GCNT2: variants seen among roughly 807,000 people sequenced by gnomAD.
The protein encoded by GCNT2 is glucosaminyl (N-acetyl) transferase 2 (I blood group).
A neutral mutation model predicts 34.2 loss-of-function variants in GCNT2; 34 were observed. That is an observed-to-expected ratio of 1.00 (90% CI 0.76 to 1.32). The LOEUF is 1.32. Ranked by LOEUF, GCNT2 falls within the 40% of genes most tolerant of loss-of-function variation. The pLI, the probability that GCNT2 is intolerant of heterozygous loss-of-function variation, is 0.00. For missense variants in GCNT2, 584 were observed against 489.4 expected (o/e 1.19, Z -1.82); for synonymous variants, 212 against 188.0 (o/e 1.13, Z -1.04).
intron 3 of GCNT2, among the ~76,000 whole-genome samples, chr6:10,532,319 A>G (rs1761533321): frequency 6.6e-6 from 1 of 152,344 alleles, no homozygotes; most frequent in Admixed American, 6.5e-5. Context: ...AAGCAATAGA[A>G]AACAAATGCA....
intron 3 of GCNT2, among the ~76,000 whole-genome samples, chr6:10,536,891 G>A (rs1368822902): frequency 6.6e-6 from 1 of 151,650 alleles, no homozygotes; most frequent in South Asian, 2.1e-4. Flanking sequence ...TCAGCCTCCT[G>A]AGTAGCTGGG....
At chr6:10,542,705 G>T (rs1319204929) in intron 3 of GCNT2, among the ~76,000 whole-genome samples, 1 of 152,068 alleles carries the variant, frequency 6.6e-6, no homozygotes, top group Non-Finnish European at 1.5e-5. Flanking sequence ...AGGAATGGAT[G>T]CTGTTCCATT....
chr6:10,606,607 C>T (rs1399820238), intron 3 of GCNT2, among the ~76,000 whole-genome samples: 1 of 118,666 alleles, frequency 8.4e-6, no homozygotes, highest in Non-Finnish European at 2.0e-5. Context: ...CTTTAACTTC[C>T]ATTAAAGAAA....
At chr6:10,625,420 G>A (rs1766216428) in intron 4 of GCNT2, among the ~76,000 whole-genome samples, 1 of 151,978 alleles carries the variant, frequency 6.6e-6, no homozygotes, top group African/African-American at 2.4e-5. Flanking sequence ...AGAATCTCTG[G>A]AAAATGGTTG....
At chr6:10,585,134 T>G (rs1764291756) in intron 3 of GCNT2, among the ~76,000 whole-genome samples, 1 of 152,034 alleles carries the variant, frequency 6.6e-6, no homozygotes, top group Admixed American at 6.6e-5. Flanking sequence ...TTGTTATATT[T>G]TTCTGCCACT....
At chr6:10,614,462 A>G (rs1387798258) in intron 3 of GCNT2, among the ~76,000 whole-genome samples, 1 of 152,030 alleles carries the variant, frequency 6.6e-6, no homozygotes, top group Admixed American at 6.5e-5. Flanking sequence ...TATCTCTACT[A>G]AAAATACAAA....
chr6:10,545,272 G>C (rs1762221500), intron 3 of GCNT2, among the ~76,000 whole-genome samples: 1 of 152,024 alleles, frequency 6.6e-6, no homozygotes, highest in African/African-American at 2.4e-5. Context: ...CATTTTGCAA[G>C]AGCTGTGCCT....
rs1164320299 is a variant in GCNT2, at chr6:10,529,432, T to C, written c.521T>C (p.Leu174Pro). Residue 174 changes from leucine (L) to proline (P), a missense_variant, in exon 3 of 5, where the codon CTG becomes CCG. Physicochemically the swap from Leu to Pro is moderately conservative, Grantham distance 98. Transcript: ENST00000495262. ...ISRLQADLNC[L>P]EDLVASEVPW... is the part of the protein sequence containing the mutation. The stretch of plus-strand genomic sequence containing the variant: ...AGGCTCCAGGCTGACCTGAACTGCC[T>C]GGAAGACCTTGTGGCCTCTGAAGTT... 1.2e-6 allele frequency: 2 copies of C among 1,614,062 alleles called. No individual in the cohort carries two copies. The highest frequency in any genetic ancestry group is 1.7e-6 in the Non-Finnish European group (2 of 1,180,036).
At chr6:10,554,390 T>C (rs1762604824) in intron 3 of GCNT2, among the ~76,000 whole-genome samples, 1 of 152,196 alleles carries the variant, frequency 6.6e-6, no homozygotes, top group Admixed American at 6.5e-5. Context: ...ACATTCCTAA[T>C]TTGGTTAGTG....
At chr6:10,531,615 T>C (rs1249871645) in intron 3 of GCNT2, among the ~76,000 whole-genome samples, 1 of 152,178 alleles carries the variant, frequency 6.6e-6, no homozygotes, top group Non-Finnish European at 1.5e-5. Context: ...TCTCTTTAAG[T>C]CTGTGATTTT....
At chr6:10,599,540 T>C (rs1765009834) in intron 3 of GCNT2, among the ~76,000 whole-genome samples, 1 of 152,204 alleles carries the variant, frequency 6.6e-6, no homozygotes, top group African/African-American at 2.4e-5. Flanking sequence ...GTGTGCCGTA[T>C]GAATTAGACA....
intron 3 of GCNT2, among the ~76,000 whole-genome samples, chr6:10,535,189 C>T (rs1761701191): frequency 6.6e-6 from 1 of 151,968 alleles, no homozygotes; most frequent in Non-Finnish European, 1.5e-5. Context: ...ATCTCAAAAA[C>T]AAAAACAGAC....
chr6:10,582,297 A>G (rs1764126523), intron 3 of GCNT2, among the ~76,000 whole-genome samples: 2 of 118,946 alleles, frequency 1.7e-5, no homozygotes, highest in Non-Finnish European at 3.2e-5. Flanking sequence ...TAATATTACT[A>G]TATATTTAAT....
chr6:10,589,301 T>TGTGTGGTGTGTTTGTA (rs1252654577), intron 3 of GCNT2, among the ~76,000 whole-genome samples: 1 of 147,346 alleles, frequency 6.8e-6, no homozygotes, highest in Non-Finnish European at 1.5e-5. Context: ...TGGTGTGTAG[T>TGTGTGGTGTGTTTGTA]GTGTGGTGTG....
chr6:10,621,511 C>A, intron 4 of GCNT2, 68 bp downstream of exon 4: 1 of 974,560 alleles, frequency 1.0e-6, no homozygotes, highest in South Asian at 1.3e-5. Context: ...GCTGTGGAAT[C>A]CAGGGTTCTC....
At chr6:10,610,272 TA>T (rs1489151041) in intron 3 of GCNT2, among the ~76,000 whole-genome samples, 1 of 152,210 alleles carries the variant, frequency 6.6e-6, no homozygotes, top group African/African-American at 2.4e-5. Flanking sequence ...TGCATTAGGT[TA>T]ATCGTGAAGG....
At chr6:10,555,851 GC>G (rs780279898) in intron 3 of GCNT2, 47 of 985,452 alleles carry the variant, frequency 4.8e-5, no homozygotes, top group Non-Finnish European at 5.7e-5. Flanking sequence ...GAAAACAGAA[GC>G]TATTTTCTAT....
chr6:10,571,416 A>G (rs1283752137), intron 3 of GCNT2, among the ~76,000 whole-genome samples: 2 of 152,048 alleles, frequency 1.3e-5, no homozygotes, highest in African/African-American at 2.4e-5. Context: ...CAATGGTGCA[A>G]TCTCAGCTCA....
At chr6:10,581,057 G>A (rs962355541) in intron 3 of GCNT2, among the ~76,000 whole-genome samples, 3 of 152,206 alleles carry the variant, frequency 2.0e-5, no homozygotes, top group Middle Eastern at 3.4e-3. Context: ...TAATAGCTTT[G>A]CCTGCCCAAT....
Sources: allele counts gnomAD v4.1 joint callset (sites outside exome capture counted in the v4.1 genomes callset), GRCh38; gene constraint gnomAD v4.1.1; transcripts MANE v1.5; gene names NCBI Gene and HGNC (gene_info 2026-07-23, HGNC 2026-07-21).